The following SCHIP1 variants were observed in gnomAD, a reference collection of about 807,000 sequenced individuals.
The protein encoded by SCHIP1 is schwannomin interacting protein 1.
SCHIP1 carries 8 observed loss-of-function variants against 29.7 expected under a neutral mutation model. The observed-to-expected ratio is 0.27, with a 90% confidence interval of 0.16 to 0.49. SCHIP1 has a LOEUF of 0.49. Among genes scored for constraint, SCHIP1 ranks in the 20% least tolerant of loss-of-function variants. SCHIP1 has a pLI of 0.99. For missense variants in SCHIP1, 193 were observed against 294.6 expected (o/e 0.66, Z 2.52); for synonymous variants, 76 against 94.9 (o/e 0.80, Z 1.16).
the SCHIP1 span, among the ~76,000 whole-genome samples, chr3:159,640,859 A>G: frequency 1.3e-5 from 2 of 152,152 alleles, no homozygotes. Flanking sequence ...GTGAGCAAAA[A>G]TGCATATAAG....
At chr3:159,743,839 A>G in the SCHIP1 span, among the ~76,000 whole-genome samples, 1 of 152,216 alleles carries the variant, frequency 6.6e-6, no homozygotes, top group Non-Finnish European at 1.5e-5. Context: ...AAAGGGCACA[A>G]GGGATTTTTC....
chr3:159,694,782 AT>A, the SCHIP1 span, among the ~76,000 whole-genome samples: 1 of 152,180 alleles, frequency 6.6e-6, no homozygotes, highest in African/African-American at 2.4e-5. Flanking sequence ...TTTCAGCTCA[AT>A]TTGCCTTAAA....
the SCHIP1 span, among the ~76,000 whole-genome samples, chr3:159,556,685 G>A: frequency 6.0e-3 from 883 of 146,528 alleles, 9 homozygotes; most frequent in African/African-American, 0.02. Flanking sequence ...ACCAAACACC[G>A]CTTGTTCTCA....
At chr3:159,785,841 G>A in the SCHIP1 span, among the ~76,000 whole-genome samples, 24 of 152,250 alleles carry the variant, frequency 1.6e-4, no homozygotes, top group South Asian at 4.1e-4. Context: ...ATCCATCACT[G>A]GGGCAGCTTA....
the SCHIP1 span, among the ~76,000 whole-genome samples, chr3:159,299,218 T>C: frequency 6.6e-6 from 1 of 152,218 alleles, no homozygotes; most frequent in Non-Finnish European, 1.5e-5. Context: ...GTGTATACTT[T>C]GCTCTCTCAA....
At chr3:159,832,735 T>G in the SCHIP1 span, among the ~76,000 whole-genome samples, 1 of 152,178 alleles carries the variant, frequency 6.6e-6, no homozygotes, top group Non-Finnish European at 1.5e-5. Context: ...TAGTTTTCAT[T>G]CTCTTCTCAC....
At chr3:159,588,804 G>C in the SCHIP1 span, among the ~76,000 whole-genome samples, 1 of 152,136 alleles carries the variant, frequency 6.6e-6, no homozygotes, top group African/African-American at 2.4e-5. Flanking sequence ...TGAGGGCTCT[G>C]TTCTGTTCCA....
chr3:159,846,835 C>T (rs1405685980), intron 1 of SCHIP1, among the ~76,000 whole-genome samples: 1 of 151,546 alleles, frequency 6.6e-6, no homozygotes, highest in Non-Finnish European at 1.5e-5. Flanking sequence ...AGGGAGTAAC[C>T]TTTGAAATCA....
the SCHIP1 span, among the ~76,000 whole-genome samples, chr3:159,529,896 G>A: frequency 5.9e-5 from 9 of 152,014 alleles, no homozygotes; most frequent in African/African-American, 9.7e-5. Context: ...TTAACATAAC[G>A]TCCTCCAGTT....
intron 6 of SCHIP1, chr3:159,894,083 C>T (rs570300278): frequency 3.3e-5 from 5 of 152,286 alleles, no homozygotes; most frequent in African/African-American, 1.2e-4. Context: ...ATTTGGGTTG[C>T]ACAACAGAAC....
At chr3:159,396,555 T>C in the SCHIP1 span, among the ~76,000 whole-genome samples, 1 of 149,136 alleles carries the variant, frequency 6.7e-6, no homozygotes, top group African/African-American at 2.5e-5. Flanking sequence ...GTCTGTAAAG[T>C]ATTTTATTTC....
At chr3:159,719,181 T>C in the SCHIP1 span, among the ~76,000 whole-genome samples, 31 of 152,204 alleles carry the variant, frequency 2.0e-4, no homozygotes, top group Admixed American at 1.7e-3. Context: ...GCTAGCCATA[T>C]GTAGAAAGCT....
the SCHIP1 span, among the ~76,000 whole-genome samples, chr3:159,425,596 GAC>G: frequency 6.6e-6 from 1 of 152,102 alleles, no homozygotes; most frequent in African/African-American, 2.4e-5. Flanking sequence ...AATAATGGGA[GAC>G]TTTAACACCC....
At chr3:159,536,087 A>T in the SCHIP1 span, among the ~76,000 whole-genome samples, 1 of 152,240 alleles carries the variant, frequency 6.6e-6, no homozygotes, top group Non-Finnish European at 1.5e-5. Context: ...CAATAGTCAC[A>T]TGGAGCTATT....
the SCHIP1 span, among the ~76,000 whole-genome samples, chr3:159,544,070 T>C: frequency 6.6e-6 from 1 of 152,092 alleles, no homozygotes; most frequent in South Asian, 2.1e-4. Context: ...GTCATTATCC[T>C]CACCTTCATC....
At chr3:159,288,291 A>G in the SCHIP1 span, among the ~76,000 whole-genome samples, 1 of 152,242 alleles carries the variant, frequency 6.6e-6, no homozygotes, top group Non-Finnish European at 1.5e-5. Flanking sequence ...TAAATAACAT[A>G]TTTCTAATTT....
chr3:159,887,719 T>C, exon 4 of SCHIP1: 1 of 1,613,918 alleles, frequency 6.2e-7, no homozygotes, highest in Non-Finnish European at 8.5e-7. Flanking sequence ...GCAAACAGAG[T>C]TCTTCCTATT....
the SCHIP1 span, among the ~76,000 whole-genome samples, chr3:159,638,894 T>C: frequency 6.6e-6 from 1 of 152,066 alleles, no homozygotes; most frequent in African/African-American, 2.4e-5. Context: ...ATGAGATTTT[T>C]AAAAATAGAT....
At chr3:159,619,225 A>G in the SCHIP1 span, among the ~76,000 whole-genome samples, 1 of 152,220 alleles carries the variant, frequency 6.6e-6, no homozygotes, top group Non-Finnish European at 1.5e-5. Context: ...AAAAGAAAAC[A>G]TCCATGAAGA....
Sources: allele counts gnomAD v4.1 joint callset (sites outside exome capture counted in the v4.1 genomes callset), GRCh38; gene constraint gnomAD v4.1.1; transcripts MANE v1.5; gene names NCBI Gene and HGNC (gene_info 2026-07-23, HGNC 2026-07-21).